Variants in ARHGEF10 observed in about 807,000 individuals in gnomAD.
The protein encoded by ARHGEF10 is Rho guanine nucleotide exchange factor 10, also known as Rho guanine nucleotide exchange factor (GEF) 10.
ARHGEF10 carries 140 observed loss-of-function variants against 147.4 expected under a neutral mutation model. The observed-to-expected ratio is 0.95, with a 90% CI of 0.83 to 1.09. The LOEUF is 1.09. Ranked by LOEUF, ARHGEF10 falls within the 50% of genes least tolerant of loss-of-function variation. The pLI is 0.00. For synonymous variants in ARHGEF10, 902 were observed against 695.8 expected (o/e 1.30, Z -4.67); for missense variants, 2,222 against 1,752.7 (o/e 1.27, Z -4.78).
rs201516531 is a variant in ARHGEF10, at chr8:1,957,195, C to A, written c.3967C>A (p.Arg1323=). ...QGHRRVHRKA[R]QPHQEELAPT... The stretch of plus-strand genomic sequence containing the variant: ...CCACCGCCGGGTGCACAGGAAGGCC[C>A]GGCAGCCCCACCAGGAAGAGCTGGC... The change falls in exon 29 of 29, where the codon CGG becomes AGG. Residue 1323 remains arginine, a synonymous_variant. Coordinates refer to ENST00000349830, the MANE Select transcript of ARHGEF10 (RefSeq NM_014629.4). 6.2e-7 allele frequency: 1 copy of A among 1,612,214 alleles called. No homozygotes were observed. The highest frequency in any genetic ancestry group is 1.7e-5 in the Admixed American group (1 of 59,972).
chr8:1,836,838 A>G (rs1182873197), intron 1 of ARHGEF10, among the ~76,000 whole-genome samples: 19 of 152,130 alleles, frequency 1.2e-4, no homozygotes, highest in Non-Finnish European at 5.9e-5. Flanking sequence ...TTCCCGTGAT[A>G]TTCTCCTGAT....
intron 28 of ARHGEF10, 104 bp downstream of exon 28, chr8:1,952,931 C>CA (rs1815175925): frequency 3.3e-6 from 5 of 1,495,052 alleles, no homozygotes; most frequent in Non-Finnish European, 4.6e-6. Flanking sequence ...TTAAACAATT[C>CA]ATATTATCTG....
intron 21 of ARHGEF10, 37 bp from the exon 22 acceptor site, chr8:1,925,246 T>C (rs373062304): frequency 4.3e-6 from 7 of 1,613,822 alleles, no homozygotes; most frequent in African/African-American, 1.3e-5. Flanking sequence ...GTGAGTTAAC[T>C]GCATTCTTGC....
At chr8:1,845,994 G>A (rs532129430) in intron 2 of ARHGEF10, among the ~76,000 whole-genome samples, 23 of 152,378 alleles carry the variant, frequency 1.5e-4, no homozygotes, top group African/African-American at 5.5e-4. Flanking sequence ...CCCTCTGGGT[G>A]CAGCTGGACT....
chr8:1,824,608 AC>A (rs1802624022), intron 1 of ARHGEF10, among the ~76,000 whole-genome samples: 1 of 48,638 alleles, frequency 2.1e-5, no homozygotes, highest in Non-Finnish European at 3.9e-5. Flanking sequence ...GTCCCTCAGC[AC>A]CCCCTGTTCA....
At position 1,880,097 on chromosome 8, in the gene ARHGEF10, G is replaced by A. The variant is rs374670875; in HGVS notation, c.893G>A (p.Arg298Lys). The A allele has an allele frequency of 2.4e-5, 38 of 1,614,088 alleles. No individual in the cohort carries two copies. The highest frequency in any genetic ancestry group is 2.7e-5 in the Non-Finnish European group (32 of 1,180,034). The change falls in exon 9 of 29, where the codon AGA (arginine) becomes AAA (lysine). Residue 298 changes from arginine to lysine, a missense_variant. Transcript: ENST00000349830. The part of the protein sequence containing the change: ...RLKEHYEKKM[R>K]DLMASTVGVV... ...AAGGAGCACTATGAGAAAAAGATGA[G>A]AGATTTGATGGCAAGCACGGTGGGC...
chr8:1,857,971 A>C lies in ARHGEF10; in HGVS notation c.49A>C (p.Lys17Gln), dbSNP rs1230426471. 1.2e-6 allele frequency: 2 copies of C among 1,614,012 alleles called. No individual in the cohort carries two copies. The highest frequency in any genetic ancestry group is 1.7e-6 in the Non-Finnish European group (2 of 1,179,930). ...LPPAPAENEM[K>Q]YDTNNNEEEE... ...GTTTTTCTTTTTAGAAAATGAAATG[A>C]AATATGATACCAATAATAATGAAGA... The change falls in exon 3 of 29, where the codon AAA (lysine) becomes CAA (glutamine). Residue 17 changes from lysine (K) to glutamine (Q), a missense_variant. By Grantham distance (53) the Lys-to-Gln change is moderately conservative. Coordinates refer to ENST00000349830, the MANE Select transcript of ARHGEF10 (RefSeq NM_014629.4).
chr8:1,928,298 A>AT (rs1812838264), intron 23 of ARHGEF10, 129 bp from the exon 24 acceptor site: 1 of 835,788 alleles, frequency 1.2e-6, no homozygotes, highest in Non-Finnish European at 2.0e-6. Flanking sequence ...ATTTTTTTTT[A>AT]TTTTTTTAAG....
At position 1,860,039 on chromosome 8, in the gene ARHGEF10, T is replaced by C. The variant is rs1805967425; in HGVS notation, c.336T>C (p.Ala112=). Residue 112 remains alanine (A), a synonymous_variant, in exon 4 of 29, where the codon GCT becomes GCC. Transcript: ENST00000349830. ...EDQPPTPVPS[A]EEENVGLHVP... ...AGCCGCCCACCCCCGTGCCCAGCGCTGAGGAGGAGAATGTGGGTCTCCATG... is the reference window on the plus strand; with the variant it reads ...AGCCGCCCACCCCCGTGCCCAGCGCCGAGGAGGAGAATGTGGGTCTCCATG... The C allele has an allele frequency of 6.2e-6, 10 of 1,614,096 alleles. No homozygotes were observed. Among genetic ancestry groups the C allele is most frequent in the East Asian group, 2.2e-5 (1 of 44,862 alleles).
chr8:1,850,591 G>T (rs2129060528), intron 2 of ARHGEF10, among the ~76,000 whole-genome samples: 1 of 152,076 alleles, frequency 6.6e-6, no homozygotes, highest in East Asian at 1.9e-4. Flanking sequence ...GCCGGGTGCT[G>T]GCGGGTGGCT....
chr8:1,899,814 C>T (rs1046545475), intron 15 of ARHGEF10, among the ~76,000 whole-genome samples: 2 of 152,198 alleles, frequency 1.3e-5, no homozygotes, highest in Admixed American at 6.5e-5. Flanking sequence ...CAGCCACAGA[C>T]GTGATGAATG....
intron 2 of ARHGEF10, 62 bp from the exon 3 acceptor site, chr8:1,857,898 C>CTA: frequency 2.5e-6 from 3 of 1,178,946 alleles, no homozygotes; most frequent in Non-Finnish European, 3.8e-6. Context: ...ATCTATCTAT[C>CTA]TATCTATCTA....
chr8:1,853,054 G>A (rs1043721982), intron 2 of ARHGEF10, among the ~76,000 whole-genome samples: 8 of 151,998 alleles, frequency 5.3e-5, no homozygotes, highest in African/African-American at 9.7e-5. Context: ...TGGGCCGGGC[G>A]CTGGCGGGTG....
Position 1,888,782 on chromosome 8 carries a change from G to T in ARHGEF10, c.1182+3075G>T, listed in dbSNP as rs74946522. ...TGAGGTTTGTGAGGAGACACTGAGT[G>T]GGGTGAGTATTGTGAGGAGACACTG... On this transcript the variant is annotated intron_variant, in intron 11 of 28. Coordinates refer to ENST00000349830, the MANE Select transcript of ARHGEF10 (RefSeq NM_014629.4). Among the ~76,000 whole-genome samples the T allele has an allele frequency of 2.4e-4, 20 of 83,212 alleles. 4 individuals are homozygous for T. The highest frequency in any genetic ancestry group is 9.0e-4 in the African/African-American group (16 of 17,734). 54.6% of individuals were successfully genotyped at this position (83,212 alleles called of 152,430 possible). A position where few individuals can be genotyped will look rare whatever the true frequency, so the allele number is the denominator to read the frequency against.
intron 18 of ARHGEF10, among the ~76,000 whole-genome samples, chr8:1,914,857 C>T (rs1811640607): frequency 6.6e-6 from 1 of 152,208 alleles, no homozygotes; most frequent in Non-Finnish European, 1.5e-5. Context: ...AGAGCAAACA[C>T]ACCACCTGGC....
chr8:1,936,635 C>G (rs527238996), intron 26 of ARHGEF10, among the ~76,000 whole-genome samples: 1 of 152,322 alleles, frequency 6.6e-6, no homozygotes, highest in East Asian at 1.9e-4. Context: ...CTACACAAAT[C>G]CAGAAAGAAA....
intron 3 of ARHGEF10, chr8:1,858,966 G>T (rs78372577): frequency 0.02 from 3,837 of 194,072 alleles, 56 homozygotes; most frequent in Admixed American, 0.055. Context: ...TTTGTGCGTA[G>T]CACCAGCCTC....
chr8:1,932,888 T>C (rs1813266425), intron 25 of ARHGEF10, among the ~76,000 whole-genome samples: 1 of 152,234 alleles, frequency 6.6e-6, no homozygotes, highest in Admixed American at 6.5e-5. Context: ...ACGGCATTGA[T>C]GGATTAATAA....
At chr8:1,835,791 G>T (rs1183238246) in intron 1 of ARHGEF10, among the ~76,000 whole-genome samples, 1 of 152,214 alleles carries the variant, frequency 6.6e-6, no homozygotes, top group Non-Finnish European at 1.5e-5. Context: ...CTTATAGAAG[G>T]TGGGGCTGCG....
Sources: allele counts gnomAD v4.1 joint callset (sites outside exome capture counted in the v4.1 genomes callset), GRCh38; gene constraint gnomAD v4.1.1; transcripts MANE v1.5; gene names NCBI Gene and HGNC (gene_info 2026-07-23, HGNC 2026-07-21).